FAM135B: variants seen among roughly 807,000 people sequenced by gnomAD.
FAM135B encodes protein FAM135B.
A neutral mutation model predicts 127.7 loss-of-function variants in FAM135B; 43 were observed. The ratio of observed to expected loss-of-function variants is 0.34; its 90% CI spans 0.26 to 0.43. The LOEUF (loss-of-function observed/expected upper bound fraction) is 0.43, where lower values mean the gene tolerates loss of function less well. Among genes scored for constraint, FAM135B ranks in the 20% least tolerant of loss-of-function variants. FAM135B has a pLI of 1.00. For missense variants in FAM135B, 1,558 were observed against 1,725.6 expected, an observed-to-expected ratio of 0.90 and a Z score of 1.72; for synonymous variants, 670 against 665.1, an observed-to-expected ratio of 1.01 and a Z score of -0.11.
At position 138,339,747 on chromosome 8, in the gene FAM135B, T is replaced by C. The variant is rs1828911008; in HGVS notation, c.77+28160A>G. ...TTTAAACACAATTCCTCCTTGCTTCTTGTTACAGGAAAGCCTCCCTCACTC... is the reference window on the plus strand; with the variant it reads ...TTTAAACACAATTCCTCCTTGCTTCCTGTTACAGGAAAGCCTCCCTCACTC... On this transcript the variant is annotated intron_variant, in intron 2 of 19. Transcript: ENST00000395297. Among the ~76,000 whole-genome samples the C allele has an allele frequency of 1.3e-5, 2 of 152,146 alleles. 1 individual carries two copies. The highest frequency in any genetic ancestry group is 4.1e-4 in the South Asian group (2 of 4,830).
chr8:138,424,806 G>A (rs1030596213), intron 1 of FAM135B, among the ~76,000 whole-genome samples: 3 of 152,126 alleles, frequency 2.0e-5, no homozygotes, highest in Admixed American at 6.5e-5. Flanking sequence ...AACACTATGA[G>A]GAGTAGGGAA....
intron 2 of FAM135B, among the ~76,000 whole-genome samples, chr8:138,366,446 T>C (rs541846709): frequency 4.1e-4 from 62 of 152,286 alleles, no homozygotes; most frequent in African/African-American, 1.4e-3. Context: ...TCTGATCAAA[T>C]GAGAGGTGGA....
intron 3 of FAM135B, among the ~76,000 whole-genome samples, chr8:138,267,286 T>C (rs984881216): frequency 1.3e-5 from 2 of 152,158 alleles, no homozygotes; most frequent in Admixed American, 6.5e-5. Flanking sequence ...CACCAGAACC[T>C]GACCATGCTG....
chr8:138,484,617 A>G (rs1587554856), intron 1 of FAM135B, among the ~76,000 whole-genome samples: 1 of 152,282 alleles, frequency 6.6e-6, no homozygotes, highest in East Asian at 1.9e-4. Flanking sequence ...GGGCTTAGAA[A>G]GAGCTTCCTT....
Position 138,442,267 on chromosome 8 carries a change from T to TATATATATATATATATATATATATATAC in FAM135B, c.-20+54403_-20+54404insGTATATATATATATATATATATATATAT, listed in dbSNP as rs34280434. ...ATATATATATATATATATATATATA[T>TATATATATATATATATATATATATATAC]ATATATATATGAAAAACCTTGGCAG... On this transcript the variant is annotated intron_variant, in intron 1 of 19. Transcript: ENST00000395297. Among the ~76,000 whole-genome samples, 13 of 86,748 alleles carry TATATATATATATATATATATATATATAC rather than the reference T, an allele frequency of 1.5e-4. 4 individuals carry two copies. The highest frequency in any genetic ancestry group is 2.1e-4 in the Non-Finnish European group (9 of 41,962). The allele number at this position is 86,748 out of a possible 152,430, so 56.9% of individuals were successfully genotyped here. A position where few individuals can be genotyped will look rare whatever the true frequency, so the allele number is the denominator to read the frequency against.
Position 138,152,088 on chromosome 8 carries a change from G to T in FAM135B, c.2387C>A (p.Ala796Asp). The T allele has an allele frequency of 6.2e-7, 1 of 1,613,866 alleles. No individual in the cohort carries two copies. The highest frequency in any genetic ancestry group is 1.7e-5 in the Admixed American group (1 of 60,008). The change falls in exon 13 of 20, where the codon GCT becomes GAT. Residue 796 changes from alanine to aspartate, a missense_variant. Coordinates refer to ENST00000395297, the MANE Select transcript of FAM135B (RefSeq NM_015912.4). ...ADTKQQDGGF[A>D]EPSDMHSKSQ... Reference sequence around the variant, plus strand: ...CTTGCTGTGCATATCTGAAGGTTCAGCAAAACCTCCATCTTGCTGCTTGGT... The same window carrying T: ...CTTGCTGTGCATATCTGAAGGTTCATCAAAACCTCCATCTTGCTGCTTGGT...
At chr8:138,136,342 CA>C (rs1157027031) in intron 19 of FAM135B, among the ~76,000 whole-genome samples, 3 of 151,822 alleles carry the variant, frequency 2.0e-5, no homozygotes, top group Non-Finnish European at 4.4e-5. Flanking sequence ...TAGAAATATA[CA>C]AATTAGATTG....
intron 1 of FAM135B, among the ~76,000 whole-genome samples, chr8:138,396,135 CAAG>C (rs1419310277): frequency 6.6e-6 from 1 of 152,184 alleles, no homozygotes; most frequent in Admixed American, 6.5e-5. Flanking sequence ...GAGACCAGGA[CAAG>C]AAGACCAGCG....
intron 9 of FAM135B, among the ~76,000 whole-genome samples, chr8:138,182,489 C>G (rs1275747364): frequency 6.6e-6 from 1 of 152,208 alleles, no homozygotes. Context: ...TGTTCACTCC[C>G]CTACTCCCTT....
At chr8:138,419,527 C>A (rs538953372) in intron 1 of FAM135B, among the ~76,000 whole-genome samples, 3 of 152,148 alleles carry the variant, frequency 2.0e-5, no homozygotes, top group Admixed American at 2.0e-4. Context: ...ATCTACAGAA[C>A]ATTCCACCCA....
At chr8:138,365,056 A>G (rs1251754258) in intron 2 of FAM135B, among the ~76,000 whole-genome samples, 1 of 152,164 alleles carries the variant, frequency 6.6e-6, no homozygotes, top group East Asian at 1.9e-4. Flanking sequence ...CATGTTGGCC[A>G]GGCTCGTCTC....
chr8:138,170,217 C>CTTT (rs141401317), intron 11 of FAM135B, among the ~76,000 whole-genome samples: 64 of 112,012 alleles, frequency 5.7e-4, no homozygotes, highest in African/African-American at 1.6e-3. Flanking sequence ...CTGTTACTAT[C>CTTT]TTTTTTTTTT....
chr8:138,481,230 G>A (rs1371943243), intron 1 of FAM135B, among the ~76,000 whole-genome samples: 2 of 152,196 alleles, frequency 1.3e-5, no homozygotes, highest in African/African-American at 2.4e-5. Context: ...CATGGTATCA[G>A]GCACTTTGTT....
rs1218327684 is a variant in FAM135B, at chr8:138,310,900, G to T, written c.98C>A (p.Thr33Asn). ...FQRGYYQIRVTLKVSSRIPHR... is the reference protein window; with the variant it reads ...FQRGYYQIRVNLKVSSRIPHR... ...GGGGATCCTTGAAGACACCTTCAAG[G>T]TCACTCGGATCTGGTAATACCTAAG... Residue 33 changes from threonine to asparagine, a missense_variant, in exon 3 of 20, where the codon ACC becomes AAC. Physicochemically the swap from Thr to Asn is moderately conservative, Grantham distance 65. This residue lies in a region of FAM135B where 199 missense variants were observed against 245.7 expected (regional missense o/e 0.81). Coordinates refer to ENST00000395297, the MANE Select transcript of FAM135B (RefSeq NM_015912.4). 6.8e-6 allele frequency: 11 copies of T among 1,613,472 alleles called. No homozygotes were observed. The highest frequency in any genetic ancestry group is 9.3e-6 in the Non-Finnish European group (11 of 1,179,862).
intron 1 of FAM135B, among the ~76,000 whole-genome samples, chr8:138,429,076 T>C (rs1835059031): frequency 6.6e-6 from 1 of 152,176 alleles, no homozygotes; most frequent in Admixed American, 6.5e-5. Context: ...TTTCCAATTG[T>C]GGTAAATGCT....
chr8:138,260,108 T>C (rs1822432113), intron 4 of FAM135B, among the ~76,000 whole-genome samples: 1 of 152,210 alleles, frequency 6.6e-6, no homozygotes, highest in African/African-American at 2.4e-5. Context: ...AGGGATACTT[T>C]ACTGCCTCCT....
chr8:138,363,089 G>C (rs376732989), intron 2 of FAM135B, among the ~76,000 whole-genome samples: 9 of 152,176 alleles, frequency 5.9e-5, no homozygotes, highest in African/African-American at 1.9e-4. Flanking sequence ...GAGATGCTAG[G>C]GGGAAGAGGG....
intron 4 of FAM135B, among the ~76,000 whole-genome samples, chr8:138,265,271 GT>G (rs1398318792): frequency 1.3e-5 from 2 of 152,132 alleles, no homozygotes; most frequent in Non-Finnish European, 2.9e-5. Flanking sequence ...TTATATATCT[GT>G]TTTCCTGCAA....
At chr8:138,310,572 T>G (rs1406313053) in intron 3 of FAM135B, among the ~76,000 whole-genome samples, 1 of 152,232 alleles carries the variant, frequency 6.6e-6, no homozygotes, top group Non-Finnish European at 1.5e-5. Context: ...CTGACTTGAC[T>G]TTAACCAACC....
Sources: gnomAD v4.1 joint callset for allele counts (sites outside exome capture counted in the v4.1 genomes callset) on GRCh38, gnomAD v4.1.1 for gene constraint, gnomAD v4.1.1 regional missense constraint, MANE v1.5 for transcripts, NCBI Gene and HGNC (gene_info 2026-07-23, HGNC 2026-07-21) for gene names.